Variants in LONP1 observed in about 807,000 individuals in gnomAD.
LONP1 encodes the protein lon peptidase 1, mitochondrial.
A neutral mutation model predicts 98.5 loss-of-function variants in LONP1; 31 were observed. The ratio of observed to expected loss-of-function variants is 0.31; its 90% CI spans 0.24 to 0.42. The LOEUF is 0.42. LONP1 is among the 20% of genes least tolerant of loss of function. The probability of loss-of-function intolerance (pLI) is 1.00; values close to 1 mark genes in which losing one functional copy is unlikely to be tolerated. For missense variants in LONP1, 1,336 were observed against 1,350.6 expected, an observed-to-expected ratio of 0.99 and a Z score of 0.17; for synonymous variants, 781 against 594.7, an observed-to-expected ratio of 1.31 and a Z score of -4.56.
intron 13 of LONP1, among the ~76,000 whole-genome samples, chr19:5,695,569 C>T (rs1376701454): frequency 6.6e-6 from 1 of 152,220 alleles, no homozygotes; most frequent in Non-Finnish European, 1.5e-5. Context: ...GGACCAGTGC[C>T]CACCACTGGC....
intron 6 of LONP1, 90 bp from the exon 7 acceptor site, chr19:5,707,233 G>C: frequency 9.7e-7 from 1 of 1,030,510 alleles, no homozygotes; most frequent in Non-Finnish European, 1.5e-6. Flanking sequence ...CACCCTGAGA[G>C]ATGCTGCCGG....
intron 14 of LONP1, 66 bp from the exon 15 acceptor site, chr19:5,694,618 ACGGGCACAGAAAGG>A (rs1480216963): frequency 3.2e-5 from 46 of 1,431,970 alleles, no homozygotes; most frequent in Non-Finnish European, 9.6e-6. Flanking sequence ...TGGTGGGGTG[ACGGGCACAGAAAGG>A]TGTGACGGGC....
Position 5,720,035 on chromosome 19 carries a change from G to C in LONP1, c.98C>G (p.Thr33Ser), listed in dbSNP as rs1282131458. 6.4e-7 allele frequency: 1 copy of C among 1,553,734 alleles called. No homozygotes were observed. The highest frequency in any genetic ancestry group is 8.7e-7 in the Non-Finnish European group (1 of 1,153,408). Residue 33 changes from threonine to serine, a missense_variant, in exon 1 of 18, where the codon ACT becomes AGT. Around this residue, in one of 5 missense-constraint regions of LONP1, gnomAD observed 457 missense variants for 403.1 expected, o/e 1.13. Coordinates refer to ENST00000360614, the MANE Select transcript of LONP1 (RefSeq NM_004793.4). ...TCGGAGCAACCACGCTCCTGCTGCAGTGGGAACCCGCCCCCCGGCGGCGGC... is the reference window on the plus strand; with the variant it reads ...TCGGAGCAACCACGCTCCTGCTGCACTGGGAACCCGCCCCCCGGCGGCGGC... ...MLAAAGGRVP[T>S]AAGAWLLRGQ... is the part of the protein sequence containing the mutation.
intron 8 of LONP1, among the ~76,000 whole-genome samples, chr19:5,705,318 C>T (rs533033559): frequency 6.6e-6 from 1 of 152,090 alleles, no homozygotes; most frequent in Non-Finnish European, 1.5e-5. Context: ...ATTAACCAGG[C>T]GTGGTGGTGC....
intron 8 of LONP1, among the ~76,000 whole-genome samples, chr19:5,703,912 G>C (rs1053134410): frequency 6.6e-6 from 1 of 152,222 alleles, no homozygotes; most frequent in Non-Finnish European, 1.5e-5. Flanking sequence ...GGTCTGAGCA[G>C]GTACTTCCAC....
intron 2 of LONP1, 58 bp downstream of exon 2, chr19:5,714,125 T>C: frequency 7.5e-7 from 1 of 1,341,068 alleles, no homozygotes; most frequent in Non-Finnish European, 1.1e-6. Context: ...GTAGGACTTG[T>C]GGTGAGCTGG....
chr19:5,695,133 G>A (rs2054903303), intron 13 of LONP1, among the ~76,000 whole-genome samples: 1 of 151,958 alleles, frequency 6.6e-6, no homozygotes, highest in Non-Finnish European at 1.5e-5. Flanking sequence ...TCCCCCAATG[G>A]TATCTTAGAT....
At chr19:5,706,986 C>G in intron 7 of LONP1, 74 bp downstream of exon 7, 1 of 1,316,384 alleles carries the variant, frequency 7.6e-7, no homozygotes, top group Non-Finnish European at 1.1e-6. Flanking sequence ...TCCGTGTGCT[C>G]CAGAGCCTGA....
rs147317335 is a variant in LONP1 at position 5,696,622 on chromosome 19, C to T, written c.1773+48G>A. ...ACCCGGAAGGCTCGGCTTCATCTTG[C>T]ACACGGCATTGCCGGGTTAGGGGGT... On this transcript the variant is annotated intron_variant, in intron 11 of 17. Coordinates refer to ENST00000360614, the MANE Select transcript of LONP1 (RefSeq NM_004793.4). The T allele has an allele frequency of 6.5e-3, 9,709 of 1,497,776 alleles. 62 individuals are homozygous for T. Among genetic ancestry groups the T allele is most frequent in the South Asian group, 0.02 (1,699 of 86,298 alleles). The allele number at this position is 1,497,776 out of a possible 1,614,324, so 92.8% of individuals were successfully genotyped here. A position where few individuals can be genotyped will look rare whatever the true frequency, so the allele number is the denominator to read the frequency against.
Position 5,696,080 on chromosome 19 carries a change from C to T in LONP1, c.1987G>A (p.Ala663Thr). The T allele has an allele frequency of 6.2e-7, 1 of 1,612,898 alleles. No homozygotes were observed. The highest frequency in any genetic ancestry group is 8.5e-7 in the Non-Finnish European group (1 of 1,179,888). The change falls in exon 13 of 18, where the codon GCC becomes ACC. Residue 663 changes from alanine (A) to threonine (T), a missense_variant. Ala to Thr is a moderately conservative substitution (Grantham distance 58). Coordinates refer to ENST00000360614, the MANE Select transcript of LONP1 (RefSeq NM_004793.4). Reference sequence around the variant, plus strand: ...TCCGCAATGGCCAGCTTCTCCTGGGCCACGTAGCCCGACACGTTGATCATC... The same window carrying T: ...TCCGCAATGGCCAGCTTCTCCTGGGTCACGTAGCCCGACACGTTGATCATC... The part of the protein sequence containing the change: ...MEMINVSGYV[A>T]QEKLAIAERY...
rs1232930212 is a variant in LONP1 at position 5,708,617 on chromosome 19, C to T, written c.871-214G>A. 2.4e-4 allele frequency: 120 copies of T among 510,148 alleles called. 1 individual carries two copies. Among genetic ancestry groups the T allele is most frequent in the South Asian group, 1.6e-3 (70 of 43,118 alleles). 31.6% of individuals were successfully genotyped at this position (510,148 alleles called of 1,614,324 possible). On this transcript the variant is annotated intron_variant, in intron 4 of 17. Coordinates refer to ENST00000360614, the MANE Select transcript of LONP1 (RefSeq NM_004793.4). Reference sequence around the variant, plus strand: ...GGACACAGGACCAAGAGAGTCAAAACTAAAACCAAACCCTGTCTCCTTACC... The same window carrying T: ...GGACACAGGACCAAGAGAGTCAAAATTAAAACCAAACCCTGTCTCCTTACC...
intron 13 of LONP1, among the ~76,000 whole-genome samples, chr19:5,695,718 C>A (rs1013998278): frequency 6.6e-6 from 1 of 151,420 alleles, no homozygotes; most frequent in Non-Finnish European, 1.5e-5. Flanking sequence ...CCACAGGCCC[C>A]ACTGCTTCCG....
intron 1 of LONP1, among the ~76,000 whole-genome samples, chr19:5,715,643 TAAAAAAAAAA>T (rs527565499): frequency 1.1e-3 from 33 of 31,090 alleles, no homozygotes; most frequent in East Asian, 4.4e-3. Flanking sequence ...CTCTGTCTCA[TAAAAAAAAAA>T]AAAAAAAAAA....
intron 4 of LONP1, chr19:5,709,088 C>G (rs950116374): frequency 4.6e-5 from 7 of 151,606 alleles, no homozygotes; most frequent in Non-Finnish European, 8.8e-5. Flanking sequence ...AATCATGACT[C>G]ACTGCAGCCT....
chr19:5,715,663 AAAAAAAAAAAAAAAAAG>A, intron 1 of LONP1, among the ~76,000 whole-genome samples: 4 of 126,676 alleles, frequency 3.2e-5, no homozygotes, highest in Non-Finnish European at 3.5e-5. Flanking sequence ...AAAAAAAAAA[AAAAAAAAAAAAAAAAAG>A]AAAGTTTCAC....
In LONP1 at chr19:5,705,818, C is replaced by G; in HGVS notation, c.1321G>C (p.Glu441Gln). ...TCCAGCAGGCCCAGCTTGCTCAGCT[C>G]CTCGTCCACAACATCCATGACGTGC... ...PKHVMDVVDE[E>Q]LSKLGLLDNH... The change falls in exon 8 of 18, where the codon GAG becomes CAG. Residue 441 changes from glutamate (E) to glutamine (Q), a missense_variant. Around this residue, in one of 5 missense-constraint regions of LONP1, gnomAD observed 219 missense variants for 241.0 expected, o/e 0.91. Transcript: ENST00000360614. 1 of 1,614,142 alleles carries G rather than the reference C, an allele frequency of 6.2e-7. No homozygotes were observed. Among genetic ancestry groups the G allele is most frequent in the Non-Finnish European group, 8.5e-7 (1 of 1,180,048 alleles).
At chr19:5,697,692 G>T (rs1212872969) in intron 10 of LONP1, among the ~76,000 whole-genome samples, 1 of 151,686 alleles carries the variant, frequency 6.6e-6, no homozygotes, top group African/African-American at 2.4e-5. Flanking sequence ...AGAGCTGGGG[G>T]CAAAGGAGGG....
At chr19:5,699,318 AC>A in intron 9 of LONP1, 113 bp from the exon 10 acceptor site, 2 of 847,394 alleles carry the variant, frequency 2.4e-6, no homozygotes, top group Non-Finnish European at 3.3e-6. Flanking sequence ...GCGAGAAGGG[AC>A]CAGGATTGTC....
chr19:5,700,857 G>C lies in LONP1; in HGVS notation c.1438C>G (p.Leu480Val), dbSNP rs1392705083. The stretch of plus-strand genomic sequence containing the variant: ...TCCAGCACTGCCTGTGCCCGCGCCA[G>C]GTCCAGGTTCTCGTTGCTGTACTTG... ...WGKYSNENLDLARAQAVLEED... is the reference protein window; with the variant it reads ...WGKYSNENLDVARAQAVLEED... Residue 480 changes from leucine (L) to valine (V), a missense_variant, in exon 9 of 18, where the codon CTG (leucine) becomes GTG (valine). Leu to Val is a conservative substitution (Grantham distance 32). Coordinates refer to ENST00000360614, the MANE Select transcript of LONP1 (RefSeq NM_004793.4). 8 of 1,614,082 alleles carry C rather than the reference G, an allele frequency of 5.0e-6. No individual in the cohort carries two copies. Among genetic ancestry groups the C allele is most frequent in the Non-Finnish European group, 6.8e-6 (8 of 1,180,040 alleles).
Sources: gnomAD v4.1 joint callset for allele counts (sites outside exome capture counted in the v4.1 genomes callset) on GRCh38, gnomAD v4.1.1 for gene constraint, gnomAD v4.1.1 regional missense constraint, MANE v1.5 for transcripts, NCBI Gene and HGNC (gene_info 2026-07-23, HGNC 2026-07-21) for gene names.